The following SDK1 variants were observed in gnomAD, a reference collection of about 807,000 sequenced individuals.
SDK1 encodes the protein sidekick cell adhesion molecule 1, also known as protein sidekick-1.
Under a neutral mutation model 245.5 loss-of-function variants are expected in SDK1, and 157 were observed. That is an observed-to-expected ratio of 0.64 (90% CI 0.56 to 0.73). The LOEUF (loss-of-function observed/expected upper bound fraction) is 0.73, where lower values mean the gene tolerates loss of function less well. SDK1 is among the 30% of genes least tolerant of loss of function. The pLI, the probability that SDK1 is intolerant of heterozygous loss-of-function variation, is 0.00. For missense variants in SDK1, 3,583 were observed against 3,002.3 expected, an observed-to-expected ratio of 1.19 and a Z score of -4.52; for synonymous variants, 1,647 against 1,278.5, an observed-to-expected ratio of 1.29 and a Z score of -6.15.
intron 39 of SDK1, 30 bp from the exon 40 acceptor site, chr7:4,221,209 C>T (rs1159197562): frequency 2.5e-6 from 4 of 1,610,684 alleles, no homozygotes; most frequent in Non-Finnish European, 2.5e-6. Context: ...GGGCTGATGC[C>T]TCACCTCTCT....
chr7:4,162,369 GTTATTA>G (rs533484732), intron 32 of SDK1, among the ~76,000 whole-genome samples: 6,334 of 128,246 alleles, frequency 0.049, 195 homozygotes, highest in African/African-American at 0.08. Context: ...TGTTGTTGTT[GTTATTA>G]TTATTATTAT....
intron 1 of SDK1, among the ~76,000 whole-genome samples, chr7:3,410,605 GAGA>G (rs1779175732): frequency 1.1e-5 from 1 of 87,564 alleles, no homozygotes; most frequent in African/African-American, 7.6e-5. Flanking sequence ...TTTTTTTTTG[GAGA>G]AGGAGTCTTG....
At chr7:4,189,972 A>G (rs570839247) in intron 35 of SDK1, among the ~76,000 whole-genome samples, 1 of 152,128 alleles carries the variant, frequency 6.6e-6, no homozygotes, top group Non-Finnish European at 1.5e-5. Flanking sequence ...GTTTTTAATT[A>G]CAGTTGGTTG....
chr7:4,261,395 A>G (rs1222416490), intron 44 of SDK1, among the ~76,000 whole-genome samples: 1 of 140,322 alleles, frequency 7.1e-6, no homozygotes, highest in South Asian at 2.5e-4. Context: ...TCCCCTGCCC[A>G]CCCCCGCCTC....
intron 4 of SDK1, among the ~76,000 whole-genome samples, chr7:3,705,400 C>G (rs1784854818): frequency 6.9e-6 from 1 of 145,094 alleles, no homozygotes; most frequent in South Asian, 2.3e-4. Flanking sequence ...GATTTTTCAC[C>G]TGCTTGGTTA....
At chr7:4,205,601 A>G (rs1485206087) in intron 35 of SDK1, among the ~76,000 whole-genome samples, 1 of 152,114 alleles carries the variant, frequency 6.6e-6, no homozygotes. Context: ...GTGCAATTCT[A>G]TATATTTTAT....
At chr7:3,356,928 G>A (rs1202018004) in intron 1 of SDK1, among the ~76,000 whole-genome samples, 4 of 149,004 alleles carry the variant, frequency 2.7e-5, no homozygotes, top group East Asian at 1.9e-4. Flanking sequence ...GGTGGTGCGT[G>A]CTTCTAATCC....
intron 1 of SDK1, among the ~76,000 whole-genome samples, chr7:3,526,978 T>C (rs1783159407): frequency 6.6e-6 from 1 of 152,198 alleles, no homozygotes; most frequent in South Asian, 2.1e-4. Context: ...TTGCTATAAA[T>C]CTACCTTCAG....
At chr7:3,530,221 C>T (rs963560822) in intron 1 of SDK1, among the ~76,000 whole-genome samples, 3 of 152,062 alleles carry the variant, frequency 2.0e-5, no homozygotes, top group Non-Finnish European at 4.4e-5. Context: ...ATACAATAAA[C>T]CATAGAGCCT....
chr7:3,853,407 G>A (rs183338270), intron 5 of SDK1, among the ~76,000 whole-genome samples: 1 of 148,938 alleles, frequency 6.7e-6, no homozygotes, highest in South Asian at 2.1e-4. Flanking sequence ...TAAAATTATT[G>A]TGTGTGTGTG....
chr7:4,151,116 G>A (rs1780351379), intron 30 of SDK1, among the ~76,000 whole-genome samples: 1 of 152,186 alleles, frequency 6.6e-6, no homozygotes, highest in African/African-American at 2.4e-5. Context: ...AGGCACAGCT[G>A]GGTGTCAAAT....
intron 38 of SDK1, among the ~76,000 whole-genome samples, chr7:4,215,877 G>A (rs902242737): frequency 6.6e-6 from 1 of 152,162 alleles, no homozygotes; most frequent in African/African-American, 2.4e-5. Context: ...GTGGTCCTAT[G>A]AGGTAAGCGC....
chr7:4,212,544 G>A (rs1287091022), intron 38 of SDK1, among the ~76,000 whole-genome samples: 3 of 152,310 alleles, frequency 2.0e-5, no homozygotes, highest in Non-Finnish European at 2.9e-5. Context: ...TGGCCACTTC[G>A]AGGGGCGGCC....
intron 40 of SDK1, among the ~76,000 whole-genome samples, chr7:4,229,602 G>T (rs1785625958): frequency 6.6e-6 from 1 of 152,064 alleles, no homozygotes; most frequent in African/African-American, 2.4e-5. Context: ...TCAGGAGCAG[G>T]AAAGCATTAC....
At chr7:3,352,766 C>CT (rs1052400091) in intron 1 of SDK1, among the ~76,000 whole-genome samples, 10 of 150,930 alleles carry the variant, frequency 6.6e-5, no homozygotes, top group South Asian at 2.1e-4. Context: ...TAGGGAAACC[C>CT]TTTTTTTTTC....
intron 5 of SDK1, among the ~76,000 whole-genome samples, chr7:3,857,924 T>A (rs985001021): frequency 2.0e-5 from 3 of 152,196 alleles, no homozygotes; most frequent in Non-Finnish European, 4.4e-5. Context: ...TCTATAGAAC[T>A]TTAATGACGA....
chr7:3,741,987 C>CATATATATATATATATATATATAT (rs142076799), intron 4 of SDK1, among the ~76,000 whole-genome samples: 1 of 132,118 alleles, frequency 7.6e-6, no homozygotes, highest in African/African-American at 2.9e-5. Context: ...TTGTAGTGTG[C>CATATATATATATATATATATATAT]ATATATATAT....
At chr7:3,891,402 A>G (rs965651474) in intron 5 of SDK1, among the ~76,000 whole-genome samples, 2 of 152,194 alleles carry the variant, frequency 1.3e-5, no homozygotes, top group African/African-American at 4.8e-5. Flanking sequence ...ATGGCTGAGC[A>G]GATTTCTTAA....
intron 5 of SDK1, among the ~76,000 whole-genome samples, chr7:3,888,649 A>T (rs1422105479): frequency 4.6e-5 from 7 of 152,212 alleles, no homozygotes; most frequent in African/African-American, 1.4e-4. Flanking sequence ...CAAGAATAGG[A>T]TCTTATAATT....
Sources: allele counts gnomAD v4.1 joint callset (sites outside exome capture counted in the v4.1 genomes callset), GRCh38; gene constraint gnomAD v4.1.1; transcripts MANE v1.5; gene names NCBI Gene and HGNC (gene_info 2026-07-23, HGNC 2026-07-21).